The following MPND variants were observed in gnomAD, a reference collection of about 807,000 sequenced individuals.
MPND encodes the protein MPN domain containing.
Under a neutral mutation model 59.2 loss-of-function variants are expected in MPND, and 56 were observed. That is an observed-to-expected ratio of 0.95 (90% CI 0.76 to 1.18). The LOEUF (loss-of-function observed/expected upper bound fraction) is 1.18, where lower values mean the gene tolerates loss of function less well. Ranked by LOEUF, MPND falls within the 50% of genes most tolerant of loss-of-function variation. The probability of loss-of-function intolerance (pLI) is 0.00; values close to 1 mark genes in which losing one functional copy is unlikely to be tolerated. For missense variants in MPND, 671 were observed against 676.0 expected, an observed-to-expected ratio of 0.99 and a Z score of 0.08; for synonymous variants, 323 against 291.9, an observed-to-expected ratio of 1.11 and a Z score of -1.09.
chr19:4,355,005 G>T lies in MPND; in HGVS notation c.903G>T (p.Trp301Cys), dbSNP rs370186418. Residue 301 changes from tryptophan (W) to cysteine (C), a missense_variant, in exon 7 of 13, where the codon TGG becomes TGT. Coordinates refer to ENST00000599840, the MANE Select transcript of MPND (RefSeq NM_001300862.2). ...SEVVGYLGGR[W>C]DVNSQMLTVL... ...TCGTGGGTTACCTGGGGGGCCGCTGGGACGTCAACAGCCAGAGTGGGTATC... is the reference window on the plus strand; with the variant it reads ...TCGTGGGTTACCTGGGGGGCCGCTGTGACGTCAACAGCCAGAGTGGGTATC... The T allele has an allele frequency of 3.8e-6, 6 of 1,595,858 alleles. No individual in the cohort carries two copies. The African/African-American group carries it at 8.1e-5, about 22-fold the overall frequency.
At chr19:4,347,897 G>GT (rs10668030) in intron 3 of MPND, 41,535 of 158,582 alleles carry the variant, frequency 0.26, 5,320 homozygotes, top group East Asian at 0.5. Context: ...GTTTTTTTTT[G>GT]TTTTTTTTTT....
At chr19:4,350,671 C>T (rs1159931303) in intron 3 of MPND, among the ~76,000 whole-genome samples, 2 of 152,094 alleles carry the variant, frequency 1.3e-5, no homozygotes, top group East Asian at 1.9e-4. Context: ...GTGGGAAGGG[C>T]AGATCTGGGG....
intron 2 of MPND, among the ~76,000 whole-genome samples, chr19:4,344,407 G>C (rs1972139967): frequency 6.8e-6 from 1 of 147,448 alleles, no homozygotes; most frequent in African/African-American, 2.5e-5. Context: ...TGCAGGAGGA[G>C]CTCCCGTGGA....
Position 4,345,933 on chromosome 19 carries a change from C to G in MPND, c.483C>G (p.Thr161=), listed in dbSNP as rs1308945041. The G allele has an allele frequency of 5.6e-6, 9 of 1,613,272 alleles. No individual in the cohort carries two copies. Among genetic ancestry groups the G allele is most frequent in the African/African-American group, 1.3e-5 (1 of 74,942 alleles). ...AGAAACTGGACAAGTACAAGGCCAC[C>G]TGGCTCCGGCTGCACCAGCTGCACA... ...KGQKLDKYKA[T]WLRLHQLHTP... The change falls in exon 3 of 13, where the codon ACC becomes ACG. Residue 161 remains threonine (T), a synonymous_variant. Coordinates refer to ENST00000599840, the MANE Select transcript of MPND (RefSeq NM_001300862.2).
intron 3 of MPND, among the ~76,000 whole-genome samples, chr19:4,352,071 G>T (rs1041623497): frequency 6.6e-6 from 1 of 151,722 alleles, no homozygotes; most frequent in African/African-American, 2.4e-5. Flanking sequence ...TACTCAGGAG[G>T]CTGAGGCAAG....
intron 3 of MPND, chr19:4,349,002 A>G: frequency 4.6e-6 from 1 of 216,994 alleles, no homozygotes; most frequent in Non-Finnish European, 9.8e-6. Flanking sequence ...AGCAGGAAGC[A>G]GGTCATCACT....
intron 2 of MPND, among the ~76,000 whole-genome samples, chr19:4,344,226 C>T (rs969703112): frequency 6.7e-5 from 10 of 150,324 alleles, no homozygotes; most frequent in African/African-American, 2.5e-4. Flanking sequence ...TCGGAGCTCT[C>T]TTGGCTGCAG....
chr19:4,343,881 G>A lies in MPND; in HGVS notation c.181G>A (p.Gly61Arg). The A allele has an allele frequency of 1.6e-6, 2 of 1,232,398 alleles. No homozygotes were observed. The highest frequency in any genetic ancestry group is 1.0e-6 in the Non-Finnish European group (1 of 992,156). The allele number at this position is 1,232,398 out of a possible 1,614,324, so 76.3% of individuals were successfully genotyped here. Residue 61 changes from glycine (G) to arginine (R), a missense_variant, in exon 2 of 13, where the codon GGG (glycine) becomes AGG (arginine). Transcript: ENST00000599840. Reference protein sequence around the residue: ...GGGGGGGAGAGGCGGPGGALT... With the variant: ...GGGGGGGAGARGCGGPGGALT... ...AGGCGGCGGCGGCGGGGCCGGGGCG[G>A]GGGGCTGCGGCGGGCCCGGGGGCGC...
In MPND at chr19:4,359,983, T is replaced by G. The variant is rs1329511810; in HGVS notation, c.1487T>G (p.Val496Gly). The change falls in exon 13 of 13, where the codon GTC becomes GGC. Residue 496 changes from valine to glycine, a missense_variant. Transcript: ENST00000599840. ...LCHVLEQVCG[V>G]LKQGS ...CACGTCCTGGAACAGGTGTGCGGCG[T>G]CCTCAAGCAGGGGAGCTGAGCCTTC... 1.9e-6 allele frequency: 3 copies of G among 1,566,466 alleles called. No homozygotes were observed. The highest frequency in any genetic ancestry group is 3.7e-5 in the Admixed American group (2 of 54,020).
In MPND at chr19:4,345,866, A is replaced by G. The variant is rs1253670492; in HGVS notation, c.416A>G (p.Lys139Arg). The change falls in exon 3 of 13, where the codon AAG (lysine) becomes AGG (arginine). Residue 139 changes from lysine (K) to arginine (R), a missense_variant. Lys to Arg is a conservative substitution (Grantham distance 26, BLOSUM62 2). Coordinates refer to ENST00000599840, the MANE Select transcript of MPND (RefSeq NM_001300862.2). ...THCKKLVNPA[K>R]KSGCGWASVK... The stretch of plus-strand genomic sequence containing the variant: ...TGCAAGAAGCTGGTGAACCCTGCCA[A>G]GAAGTCGGGCTGTGGCTGGGCCTCT... 2 of 1,614,098 alleles carry G rather than the reference A, an allele frequency of 1.2e-6. No homozygotes were observed. Among genetic ancestry groups the G allele is most frequent in the East Asian group, 2.2e-5 (1 of 44,886 alleles).
At chr19:4,357,933 C>T in intron 10 of MPND, 150 bp from the exon 11 acceptor site, 1 of 661,996 alleles carries the variant, frequency 1.5e-6, no homozygotes, top group Non-Finnish European at 2.7e-6. Flanking sequence ...TACACTGCCT[C>T]CCTGGTCCCA....
intron 7 of MPND, 24 bp downstream of exon 7, chr19:4,355,045 C>CG: frequency 6.5e-7 from 1 of 1,541,846 alleles, no homozygotes; most frequent in Non-Finnish European, 8.7e-7. Context: ...GCCAGGTGGG[C>CG]GGGGGCGTTG....
chr19:4,354,939 C>T lies in MPND; in HGVS notation c.847-10C>T. 1 of 1,578,948 alleles carries T rather than the reference C, an allele frequency of 6.3e-7. No individual in the cohort carries two copies. Among genetic ancestry groups the T allele is most frequent in the Non-Finnish European group, 8.6e-7 (1 of 1,159,362 alleles). On this transcript the variant is annotated splice_polypyrimidine_tract_variant and intron_variant, in intron 6 of 12. Coordinates refer to ENST00000599840, the MANE Select transcript of MPND (RefSeq NM_001300862.2). ...CTGAGCCAGTCTTTTGCTGTTCCTC[C>T]CTTCCCCAGGACTTCCACAGTCACC...
chr19:4,355,186 C>G lies in MPND; in HGVS notation c.996+13C>G. ...CATCGAAGAGGAGGTGAGGGGCTAC[C>G]TGGGAGGTGGCATTCTGGGGAGGGT... is the stretch of plus-strand genomic sequence containing the variant. On this transcript the variant is annotated intron_variant, in intron 8 of 12. Transcript: ENST00000599840. 2 of 1,612,276 alleles carry G rather than the reference C, an allele frequency of 1.2e-6. No homozygotes were observed. Among genetic ancestry groups the G allele is most frequent in the East Asian group, 4.5e-5 (2 of 44,852 alleles).
In MPND at chr19:4,359,244, G is replaced by C. The variant is rs779175383; in HGVS notation, c.1408G>C (p.Asp470His). The change falls in exon 12 of 13, where the codon GAC becomes CAC. Residue 470 changes from aspartate to histidine, a missense_variant. Physicochemically the swap from Asp to His is moderately conservative, Grantham distance 81 (BLOSUM62 -1). Coordinates refer to ENST00000599840, the MANE Select transcript of MPND (RefSeq NM_001300862.2). ...CTGGAGCCAGGAGCACACCTACCTC[G>C]ACAAGCTTAAGGTGAGCCCCAAGTC... ...EPWSQEHTYL[D>H]KLKISLASRT... 1 of 1,612,914 alleles carries C rather than the reference G, an allele frequency of 6.2e-7. No homozygotes were observed.
At chr19:4,354,194 A>G (rs1275691758) in intron 5 of MPND, 65 bp downstream of exon 5, 1 of 1,559,420 alleles carries the variant, frequency 6.4e-7, no homozygotes, top group African/African-American at 1.4e-5. Context: ...GTCTTGGGGT[A>G]GCAAGGGCAG....
At chr19:4,351,171 T>C (rs1239312795) in intron 3 of MPND, among the ~76,000 whole-genome samples, 1 of 152,206 alleles carries the variant, frequency 6.6e-6, no homozygotes, top group Non-Finnish European at 1.5e-5. Flanking sequence ...TGGTGTGATC[T>C]CAGTTCACTG....
At chr19:4,353,119 C>G in intron 4 of MPND, 90 bp downstream of exon 4, 1 of 1,065,986 alleles carries the variant, frequency 9.4e-7, no homozygotes, top group East Asian at 3.0e-5. Context: ...TTGATCTTCT[C>G]CTAGGGCCCC....
In MPND at chr19:4,357,507, C is replaced by A; in HGVS notation, c.1166-8C>A. Reference sequence around the variant, plus strand: ...CCAGGGCCAACCCCTCTCCCTCTCTCCCGCCAGCCCCTTACTATTCTGGCA... The same window carrying A: ...CCAGGGCCAACCCCTCTCCCTCTCTACCGCCAGCCCCTTACTATTCTGGCA... On this transcript the variant is annotated splice_polypyrimidine_tract_variant and splice_region_variant and intron_variant, in intron 9 of 12. Transcript: ENST00000599840. 1.2e-6 allele frequency: 2 copies of A among 1,612,944 alleles called. No homozygotes were observed. The highest frequency in any genetic ancestry group is 1.7e-6 in the Non-Finnish European group (2 of 1,179,524).
Sources: allele counts gnomAD v4.1 joint callset (sites outside exome capture counted in the v4.1 genomes callset), GRCh38; gene constraint gnomAD v4.1.1; transcripts MANE v1.5; gene names NCBI Gene and HGNC (gene_info 2026-07-23, HGNC 2026-07-21).